ACBD6: variants seen among roughly 807,000 people sequenced by gnomAD.
ACBD6 encodes acyl-CoA-binding domain-containing protein 6.
ACBD6 carries 28 observed loss-of-function variants against 37.2 expected under a neutral mutation model. That is an observed-to-expected ratio of 0.75 (90% CI 0.56 to 1.03). The LOEUF is 1.03. Among genes scored for constraint, ACBD6 ranks in the 50% least tolerant of loss-of-function variants. ACBD6 has a pLI of 0.00. For missense variants in ACBD6, 340 were observed against 337.4 expected, an observed-to-expected ratio of 1.01 and a Z score of -0.06; for synonymous variants, 113 against 126.8, an observed-to-expected ratio of 0.89 and a Z score of 0.73.
intron 1 of ACBD6, among the ~76,000 whole-genome samples, chr1:180,500,987 C>A (rs992777034): frequency 5.3e-5 from 8 of 152,276 alleles, no homozygotes; most frequent in Middle Eastern, 3.4e-3. Context: ...TATGATAAAG[C>A]AATTATTTTC....
At chr1:180,335,232 A>G (rs9425879) in intron 6 of ACBD6, among the ~76,000 whole-genome samples, 4,593 of 152,308 alleles carry the variant, frequency 0.03, 102 homozygotes, top group South Asian at 0.054. Context: ...AGTTGAAATG[A>G]AGGAAAAAAT....
At chr1:180,322,585 G>GT (rs1651113977) in intron 6 of ACBD6, among the ~76,000 whole-genome samples, 1 of 151,944 alleles carries the variant, frequency 6.6e-6, no homozygotes, top group Non-Finnish European at 1.5e-5. Flanking sequence ...ATCTTGGTAG[G>GT]TTGTATGTGT....
At chr1:180,426,257 CAGGG>C (rs1366387208) in intron 4 of ACBD6, among the ~76,000 whole-genome samples, 1 of 152,176 alleles carries the variant, frequency 6.6e-6, no homozygotes, top group Admixed American at 6.5e-5. Flanking sequence ...CAAAATATAA[CAGGG>C]AGGATCAAAT....
At chr1:180,325,207 C>T (rs1651208882) in intron 6 of ACBD6, among the ~76,000 whole-genome samples, 2 of 152,142 alleles carry the variant, frequency 1.3e-5, no homozygotes, top group Admixed American at 6.5e-5. Context: ...TTCTCGATCT[C>T]CTCCTTAAGG....
intron 6 of ACBD6, among the ~76,000 whole-genome samples, chr1:180,369,137 C>G (rs1653159252): frequency 6.6e-6 from 1 of 152,228 alleles, no homozygotes; most frequent in Non-Finnish European, 1.5e-5. Flanking sequence ...AACTACCACG[C>G]TGGTAGGCAG....
At chr1:180,407,503 G>C (rs1006860302) in intron 5 of ACBD6, among the ~76,000 whole-genome samples, 3 of 152,152 alleles carry the variant, frequency 2.0e-5, no homozygotes, top group Non-Finnish European at 2.9e-5. Context: ...AGTGATCTTT[G>C]TGGAGGTCAC....
chr1:180,291,104 G>A (rs1400200851), intron 7 of ACBD6, among the ~76,000 whole-genome samples: 1 of 152,184 alleles, frequency 6.6e-6, no homozygotes, highest in Non-Finnish European at 1.5e-5. Flanking sequence ...TTTGATTGCT[G>A]AGTAGTATTC....
chr1:180,450,319 A>G (rs1296580959), intron 3 of ACBD6, among the ~76,000 whole-genome samples: 1 of 152,210 alleles, frequency 6.6e-6, no homozygotes, highest in Non-Finnish European at 1.5e-5. Context: ...CCATACTCTA[A>G]AAGAGGTGTT....
chr1:180,487,663 T>C (rs947358059), intron 3 of ACBD6, among the ~76,000 whole-genome samples: 14 of 152,256 alleles, frequency 9.2e-5, no homozygotes, highest in African/African-American at 2.9e-4. Flanking sequence ...TTGCTTCCTT[T>C]AGGTGAAAAG....
rs914888129 is a variant in ACBD6, at chr1:180,342,907, T to C, written c.664-28185A>G. Among the ~76,000 whole-genome samples, 4 of 152,118 alleles carry C rather than the reference T, an allele frequency of 2.6e-5. No homozygotes were observed. In the South Asian group the frequency reaches 8.3e-4, roughly 31 times the overall value. On this transcript the variant is annotated intron_variant, in intron 6 of 7. Transcript: ENST00000367595. The stretch of plus-strand genomic sequence containing the variant: ...TCAGCTAATTTTTCTAGATTTAAAT[T>C]GATTGAATTTTTTTTGTTGTTTCAT...
chr1:180,462,615 C>T (rs1650192383), intron 3 of ACBD6, among the ~76,000 whole-genome samples: 1 of 152,132 alleles, frequency 6.6e-6, no homozygotes, highest in Non-Finnish European at 1.5e-5. Context: ...GACTTAGACC[C>T]TCACACAATA....
rs559377721 is a variant in ACBD6, at chr1:180,365,437, T to C, written c.663+32079A>G. On this transcript the variant is annotated intron_variant, in intron 6 of 7. Coordinates refer to ENST00000367595, the MANE Select transcript of ACBD6 (RefSeq NM_032360.4). ...GCTGCACATGACTTATACTGTTTTG[T>C]GACCATGAGACTTTACTCAAAAACT... 1.8e-4 allele frequency among the ~76,000 whole-genome samples: 27 copies of C among 152,352 alleles called. No homozygotes were observed. The South Asian group carries it at 3.3e-3, about 19-fold the overall frequency.
chr1:180,486,220 A>C (rs1428270698), intron 3 of ACBD6, among the ~76,000 whole-genome samples: 1 of 152,190 alleles, frequency 6.6e-6, no homozygotes, highest in African/African-American at 2.4e-5. Context: ...CAATCCCCAT[A>C]GTTCAGTGCT....
intron 5 of ACBD6, among the ~76,000 whole-genome samples, chr1:180,405,279 T>TTC (rs34554670): frequency 0.95 from 145,350 of 152,204 alleles, 69,468 homozygotes; most frequent in African/African-American, 0.99. Flanking sequence ...GCAAATTGTA[T>TTC]TGTTAGGAGC....
intron 6 of ACBD6, among the ~76,000 whole-genome samples, chr1:180,314,986 C>T (rs982799108): frequency 6.6e-6 from 1 of 152,088 alleles, no homozygotes; most frequent in Non-Finnish European, 1.5e-5. Context: ...AGGTAATAAT[C>T]CAAAGAGAAA....
intron 3 of ACBD6, among the ~76,000 whole-genome samples, chr1:180,460,932 G>A (rs1017190477): frequency 2.6e-5 from 4 of 152,176 alleles, no homozygotes; most frequent in Admixed American, 6.6e-5. Flanking sequence ...ACCTCACCAC[G>A]TGGATAAAAA....
chr1:180,315,181 A>G (rs1250464746), intron 6 of ACBD6, among the ~76,000 whole-genome samples: 1 of 152,204 alleles, frequency 6.6e-6, no homozygotes, highest in Non-Finnish European at 1.5e-5. Flanking sequence ...TTCCAGGCTA[A>G]TAACACCGGG....
At chr1:180,422,539 T>C (rs1648411311) in intron 4 of ACBD6, among the ~76,000 whole-genome samples, 1 of 152,180 alleles carries the variant, frequency 6.6e-6, no homozygotes, top group South Asian at 2.1e-4. Context: ...AAGTCCGTAA[T>C]GCTCAATTAA....
intron 6 of ACBD6, among the ~76,000 whole-genome samples, chr1:180,370,126 G>A (rs1377531269): frequency 1.3e-5 from 2 of 152,184 alleles, no homozygotes; most frequent in East Asian, 1.9e-4. Context: ...TATTCTCAAG[G>A]ACCCTGGAGT....
Sources: gnomAD v4.1 joint callset for allele counts (sites outside exome capture counted in the v4.1 genomes callset) on GRCh38, gnomAD v4.1.1 for gene constraint, MANE v1.5 for transcripts, NCBI Gene and HGNC (gene_info 2026-07-23, HGNC 2026-07-21) for gene names.